TMTC1: variants seen among roughly 807,000 people sequenced by gnomAD.
The protein encoded by TMTC1 is protein O-mannosyl-transferase TMTC1.
TMTC1 carries 73 observed loss-of-function variants against 104.8 expected under a neutral mutation model. That is an observed-to-expected ratio of 0.70 (90% CI 0.58 to 0.85). The LOEUF (loss-of-function observed/expected upper bound fraction) is 0.85. Ranked by LOEUF, TMTC1 falls within the 40% of genes least tolerant of loss-of-function variation. The pLI is 0.00. For missense variants in TMTC1, 1,035 were observed against 1,096.1 expected, an observed-to-expected ratio of 0.94 and a Z score of 0.79; for synonymous variants, 434 against 428.7, an observed-to-expected ratio of 1.01 and a Z score of -0.15.
At chr12:29,703,881 C>T (rs1024971452) in intron 5 of TMTC1, among the ~76,000 whole-genome samples, 2 of 152,172 alleles carry the variant, frequency 1.3e-5, no homozygotes, top group African/African-American at 4.8e-5. Context: ...TCTGGCTTTA[C>T]TTAGTGATAT....
At chr12:29,546,743 T>G (rs1369006543) in intron 10 of TMTC1, among the ~76,000 whole-genome samples, 1 of 152,152 alleles carries the variant, frequency 6.6e-6, no homozygotes, top group Non-Finnish European at 1.5e-5. Context: ...TCTCTTATTC[T>G]TTTAATTGAA....
intron 17 of TMTC1, among the ~76,000 whole-genome samples, chr12:29,511,250 T>C (rs751596308): frequency 6.7e-6 from 1 of 148,786 alleles, no homozygotes; most frequent in Non-Finnish European, 1.5e-5. Flanking sequence ...TGTATTAATA[T>C]ATCAACTCCT....
In TMTC1 at chr12:29,514,405, CAT is replaced by C. The variant is rs1033320952; in HGVS notation, c.2430+75_2430+76del. 39 of 1,456,906 alleles carry C rather than the reference CAT, an allele frequency of 2.7e-5. No homozygotes were observed. The African/African-American group carries it at 4.6e-4, about 17-fold the overall frequency. 90.2% of individuals were successfully genotyped at this position (1,456,906 alleles called of 1,614,324 possible). A position where few individuals can be genotyped will look rare whatever the true frequency, so the allele number is the denominator to read the frequency against. ...GCCAGTGATCTTAGATCTTACTGTA[CAT>C]GTTTCCTTAAAGATCAAAAGACAAT... On this transcript the variant is annotated intron_variant, in intron 16 of 17. Coordinates refer to ENST00000539277, the MANE Select transcript of TMTC1 (RefSeq NM_001193451.2).
Position 29,783,675 on chromosome 12 carries a change from G to T in TMTC1, c.77C>A (p.Pro26Gln). The part of the protein sequence containing the change: ...PSRRRGCGLA[P>Q]AGAAALLAGA... The stretch of plus-strand genomic sequence containing the variant: ...GGCCAGCAGCGCCGCGGCCCCGGCC[G>T]GCGCTAGCCCGCAGCCCCGCCGCCG... The change falls in exon 1 of 18, where the codon CCG (proline) becomes CAG (glutamine). Residue 26 changes from proline to glutamine, a missense_variant. Transcript: ENST00000539277. This position sits in a 1 kb window ranked among gnomAD's most constrained non-coding sequence, Gnocchi z 4.7. 1 of 1,304,470 alleles carries T rather than the reference G, an allele frequency of 7.7e-7. No individual in the cohort carries two copies. The allele number at this position is 1,304,470 out of a possible 1,614,324, so 80.8% of individuals were successfully genotyped here.
At chr12:29,660,852 C>T in intron 5 of TMTC1, 1 of 1,501,398 alleles carries the variant, frequency 6.7e-7, no homozygotes, top group Non-Finnish European at 8.9e-7. Flanking sequence ...TCATGGTAAG[C>T]AGGAAATTTC....
chr12:29,610,663 C>T (rs921928166), intron 6 of TMTC1, among the ~76,000 whole-genome samples: 4 of 152,308 alleles, frequency 2.6e-5, no homozygotes, highest in African/African-American at 7.2e-5. Context: ...ACCCTGATTC[C>T]GGCCCCAGTG....
intron 5 of TMTC1, among the ~76,000 whole-genome samples, chr12:29,741,642 C>T (rs1436863231): frequency 2.6e-5 from 4 of 152,140 alleles, no homozygotes; most frequent in African/African-American, 9.7e-5. Context: ...TGAGAAATAG[C>T]TATTCTCTAA....
intron 17 of TMTC1, among the ~76,000 whole-genome samples, chr12:29,508,636 C>T (rs990902382): frequency 6.6e-6 from 1 of 152,000 alleles, no homozygotes; most frequent in African/African-American, 2.4e-5. Context: ...TGCAGTGGTG[C>T]AATGTCAGTT....
chr12:29,653,980 G>A (rs572683260), intron 5 of TMTC1, among the ~76,000 whole-genome samples: 70 of 152,242 alleles, frequency 4.6e-4, no homozygotes, highest in Middle Eastern at 6.8e-3. Context: ...TGTATAACTC[G>A]TAAATGTGAG....
chr12:29,694,068 C>T (rs183896674), intron 5 of TMTC1, among the ~76,000 whole-genome samples: 4 of 152,154 alleles, frequency 2.6e-5, no homozygotes, highest in Non-Finnish European at 2.9e-5. Context: ...CAGCTTAATA[C>T]TGGCATTGTT....
intron 5 of TMTC1, among the ~76,000 whole-genome samples, chr12:29,726,143 AG>A (rs1387353071): frequency 6.6e-6 from 1 of 152,234 alleles, no homozygotes; most frequent in Non-Finnish European, 1.5e-5. Context: ...CAATGCAGTC[AG>A]TCCCAGGGGA....
chr12:29,679,484 T>G (rs1940840304), intron 5 of TMTC1, among the ~76,000 whole-genome samples: 1 of 152,090 alleles, frequency 6.6e-6, no homozygotes, highest in Admixed American at 6.5e-5. Flanking sequence ...GAACTAAAGA[T>G]CAAGGACCAG....
At chr12:29,596,254 C>T (rs987276287) in intron 7 of TMTC1, among the ~76,000 whole-genome samples, 1 of 152,150 alleles carries the variant, frequency 6.6e-6, no homozygotes, top group Non-Finnish European at 1.5e-5. Flanking sequence ...TGGTCCACCC[C>T]CCTTGGCCTC....
intron 12 of TMTC1, 63 bp downstream of exon 12, chr12:29,520,555 A>G (rs1483869179): frequency 3.6e-6 from 5 of 1,404,206 alleles, no homozygotes; most frequent in Non-Finnish European, 5.0e-6. Context: ...TTTGCCTTCC[A>G]TTTTGCTTGA....
At chr12:29,634,620 C>T (rs1269825326) in intron 5 of TMTC1, among the ~76,000 whole-genome samples, 5 of 152,146 alleles carry the variant, frequency 3.3e-5, no homozygotes, top group African/African-American at 1.2e-4. Context: ...TGTTTGTCAA[C>T]TTATTTGGGA....
At chr12:29,611,533 T>G (rs2136429248) in intron 6 of TMTC1, among the ~76,000 whole-genome samples, 1 of 152,314 alleles carries the variant, frequency 6.6e-6, no homozygotes, top group East Asian at 1.9e-4. Flanking sequence ...ATAAGGTAAT[T>G]AAGTAAATTA....
chr12:29,663,237 C>T (rs904341566), intron 5 of TMTC1, among the ~76,000 whole-genome samples: 3 of 152,206 alleles, frequency 2.0e-5, no homozygotes, highest in Non-Finnish European at 4.4e-5. Flanking sequence ...AACTCAACCA[C>T]GACCACTCTG....
rs532706215 is a variant in TMTC1, at chr12:29,567,953, ACT to A, written c.1532+4150_1532+4151del. 1.5e-3 allele frequency among the ~76,000 whole-genome samples: 230 copies of A among 152,252 alleles called. 1 individual carries two copies. The highest frequency in any genetic ancestry group is 2.6e-3 in the Non-Finnish European group (178 of 68,014). ...ATTAAACATGGTTAGATTTCTTTAG[ACT>A]CTAATGATATGGTGTCTCTTCAGTA... On this transcript the variant is annotated intron_variant, in intron 9 of 17. Coordinates refer to ENST00000539277, the MANE Select transcript of TMTC1 (RefSeq NM_001193451.2).
chr12:29,632,337 T>A (rs1489822162), intron 6 of TMTC1, among the ~76,000 whole-genome samples: 1 of 152,164 alleles, frequency 6.6e-6, no homozygotes, highest in African/African-American at 2.4e-5. Flanking sequence ...ACTACCCAAA[T>A]CTCATCTTGA....
Sources: allele counts gnomAD v4.1 joint callset (sites outside exome capture counted in the v4.1 genomes callset), GRCh38; gene constraint gnomAD v4.1.1; non-coding constraint Gnocchi (gnomAD v3.1); transcripts MANE v1.5; gene names NCBI Gene and HGNC (gene_info 2026-07-23, HGNC 2026-07-21).